The following RGS7 variants were observed in gnomAD, a reference collection of about 807,000 sequenced individuals.
The protein encoded by RGS7 is regulator of G protein signaling 7, also known as regulator of G-protein signaling 7.
A neutral mutation model predicts 81.1 loss-of-function variants in RGS7; 27 were observed. The ratio of observed to expected loss-of-function variants is 0.33; its 90% CI spans 0.25 to 0.46. The LOEUF (loss-of-function observed/expected upper bound fraction) is 0.46. RGS7 is among the 20% of genes least tolerant of loss of function. The pLI, the probability that RGS7 is intolerant of heterozygous loss-of-function variation, is 1.00. For missense variants in RGS7, 396 were observed against 607.4 expected (o/e 0.65, Z 3.66); for synonymous variants, 208 against 207.7 (o/e 1.00, Z -0.01).
At chr1:241,057,605 C>A (rs1395047758) in intron 3 of RGS7, among the ~76,000 whole-genome samples, 1 of 151,958 alleles carries the variant, frequency 6.6e-6, no homozygotes. Flanking sequence ...ATCTCTGTTC[C>A]TATTTATCTC....
chr1:241,187,034 C>A (rs190325699), intron 2 of RGS7, among the ~76,000 whole-genome samples: 2 of 151,918 alleles, frequency 1.3e-5, no homozygotes, highest in Non-Finnish European at 2.9e-5. Flanking sequence ...GAATGCCAAA[C>A]GAGAATAGAT....
At chr1:241,089,027 C>A (rs866401433) in intron 3 of RGS7, among the ~76,000 whole-genome samples, 1 of 34,238 alleles carries the variant, frequency 2.9e-5, no homozygotes, top group Admixed American at 3.0e-4. Context: ...CTCCATCTCT[C>A]TCTCTCTCTC....
At chr1:240,831,704 C>T (rs866983374) in intron 9 of RGS7, among the ~76,000 whole-genome samples, 22 of 150,358 alleles carry the variant, frequency 1.5e-4, no homozygotes, top group African/African-American at 4.9e-4. Flanking sequence ...GGCGCAATCT[C>T]GGCTCACTGC....
intron 2 of RGS7, among the ~76,000 whole-genome samples, chr1:241,121,143 G>A (rs890726498): frequency 1.3e-5 from 2 of 152,150 alleles, no homozygotes; most frequent in African/African-American, 4.8e-5. Flanking sequence ...ACAGTAAATA[G>A]ATGATATCAG....
At position 241,232,380 on chromosome 1, in the gene RGS7, T is replaced by A. The variant is rs560931507; in HGVS notation, c.78+123319A>T. On this transcript the variant is annotated intron_variant, in intron 2 of 18. Transcript: ENST00000440928. ...TCAGCTAATTTTTAAATACATATAT[T>A]TTTTTTTGGAGAGAAGGGATCTCAT... Among the ~76,000 whole-genome samples the A allele has an allele frequency of 3.1e-3, 470 of 150,948 alleles. 7 individuals carry two copies. Among genetic ancestry groups the A allele is most frequent in the Middle Eastern group, 0.014 (4 of 292 alleles).
intron 5 of RGS7, among the ~76,000 whole-genome samples, chr1:240,933,372 C>T (rs966055305): frequency 6.6e-6 from 1 of 151,982 alleles, no homozygotes; most frequent in Non-Finnish European, 1.5e-5. Context: ...ATATTCTCAA[C>T]TGCATTCTTA....
intron 9 of RGS7, among the ~76,000 whole-genome samples, chr1:240,843,071 A>T (rs954646370): frequency 6.6e-6 from 1 of 151,780 alleles, no homozygotes; most frequent in Non-Finnish European, 1.5e-5. Flanking sequence ...AGGCTGAGGC[A>T]GGAGAATTGC....
rs530000452 is a variant in RGS7 at position 241,321,908 on chromosome 1, T to C, written c.78+33791A>G. ...AGCTCCTCACAAACTGGCTCCAATC[T>C]GCCTTCATTGTTGATTAACCACATG... is the stretch of plus-strand genomic sequence containing the variant. On this transcript the variant is annotated intron_variant, in intron 2 of 18. Coordinates refer to ENST00000440928, the MANE Select transcript of RGS7 (RefSeq NM_001364886.1). Among the ~76,000 whole-genome samples the C allele has an allele frequency of 5.9e-5, 9 of 152,296 alleles. No homozygotes were observed. The South Asian group carries it at 1.9e-3, about 32-fold the overall frequency.
chr1:241,215,566 T>TC lies in RGS7; in HGVS notation c.79-116805dup, dbSNP rs778758742. Among the ~76,000 whole-genome samples, 3 of 152,124 alleles carry TC rather than the reference T, an allele frequency of 2.0e-5. No individual in the cohort carries two copies. In the South Asian group the frequency reaches 6.2e-4, roughly 31 times the overall value. Reference sequence around the variant, plus strand: ...TGTCTCTCTCTTTTCTAGTATTTCCTCCCCCAGTTTCCAGCTGCTCTGGCT... The same window carrying TC: ...TGTCTCTCTCTTTTCTAGTATTTCCTCCCCCCAGTTTCCAGCTGCTCTGGCT... On this transcript the variant is annotated intron_variant, in intron 2 of 18. Transcript: ENST00000440928.
intron 11 of RGS7, 116 bp downstream of exon 11, chr1:240,816,201 G>A (rs373375918): frequency 2.7e-6 from 2 of 749,828 alleles, no homozygotes; most frequent in African/African-American, 1.7e-5. Flanking sequence ...TCTTCCACAT[G>A]AAACAGTCAG....
chr1:241,068,380 T>C (rs2062221142), intron 3 of RGS7, among the ~76,000 whole-genome samples: 1 of 151,408 alleles, frequency 6.6e-6, no homozygotes. Flanking sequence ...CTTCTTCTCC[T>C]TATTCTGCTC....
At chr1:241,284,783 G>A (rs1280351551) in intron 2 of RGS7, among the ~76,000 whole-genome samples, 1 of 152,220 alleles carries the variant, frequency 6.6e-6, no homozygotes, top group East Asian at 1.9e-4. Context: ...ATATGGGTGG[G>A]AGTGATGCTA....
At chr1:241,327,139 AAAGAAAGGAAAG>A (rs1285356338) in intron 2 of RGS7, among the ~76,000 whole-genome samples, 2 of 105,044 alleles carry the variant, frequency 1.9e-5, no homozygotes, top group Non-Finnish European at 2.3e-5. Context: ...AGAAAGAAAG[AAAGAAAGGAAAG>A]AAAGAAAGAA....
chr1:240,898,557 G>A (rs1669468297), intron 6 of RGS7, among the ~76,000 whole-genome samples: 1 of 152,152 alleles, frequency 6.6e-6, no homozygotes, highest in African/African-American at 2.4e-5. Flanking sequence ...AGTCATTCAG[G>A]AGCAGGTTGT....
rs545776518 is a variant in RGS7, at chr1:241,098,400, C to T, written c.175+266G>A. 4.6e-5 allele frequency among the ~76,000 whole-genome samples: 7 copies of T among 152,218 alleles called. No individual in the cohort carries two copies. The South Asian group carries it at 6.2e-4, about 14-fold the overall frequency. On this transcript the variant is annotated intron_variant, in intron 3 of 18. Coordinates refer to ENST00000440928, the MANE Select transcript of RGS7 (RefSeq NM_001364886.1). Reference sequence around the variant, plus strand: ...AACCTTCATAACATTGTTTTTTATACGTCTTTATTTATTTTAATATTGTTT... The same window carrying T: ...AACCTTCATAACATTGTTTTTTATATGTCTTTATTTATTTTAATATTGTTT...
intron 2 of RGS7, among the ~76,000 whole-genome samples, chr1:241,298,146 C>T (rs2079533170): frequency 6.6e-6 from 1 of 152,172 alleles, no homozygotes; most frequent in Non-Finnish European, 1.5e-5. Context: ...CCTTAAACTG[C>T]TCCCCTCAAA....
At chr1:240,999,593 A>C (rs1446628716) in intron 3 of RGS7, among the ~76,000 whole-genome samples, 1 of 151,958 alleles carries the variant, frequency 6.6e-6, no homozygotes, top group Non-Finnish European at 1.5e-5. Context: ...TCTTGGTACG[A>C]TGAGTATTTT....
chr1:241,347,868 G>A lies in RGS7; in HGVS notation c.78+7831C>T, dbSNP rs141446214. ...ATTCCCTTACGAGGCCATGGTCTAT[G>A]GTCTTCCTTTAAAAGTTCTGTTGTA... On this transcript the variant is annotated intron_variant, in intron 2 of 18. Transcript: ENST00000440928. Among the ~76,000 whole-genome samples, 1,198 of 151,856 alleles carry A rather than the reference G, an allele frequency of 7.9e-3. 6 individuals are homozygous for A. Among genetic ancestry groups the A allele is most frequent in the Non-Finnish European group, 9.4e-3 (637 of 67,912 alleles).
At chr1:240,827,864 C>CAAAAAA (rs57562408) in intron 9 of RGS7, among the ~76,000 whole-genome samples, 19 of 52,842 alleles carry the variant, frequency 3.6e-4, no homozygotes, top group South Asian at 1.1e-3. Context: ...AACTCCATTG[C>CAAAAAA]AAAAAAAAAA....
Sources: gnomAD v4.1 joint callset for allele counts (sites outside exome capture counted in the v4.1 genomes callset) on GRCh38, gnomAD v4.1.1 for gene constraint, MANE v1.5 for transcripts, NCBI Gene and HGNC (gene_info 2026-07-23, HGNC 2026-07-21) for gene names.